Variants in LRRC63 observed in about 807,000 individuals in gnomAD.
The protein encoded by LRRC63 is leucine-rich repeat-containing protein 63.
Under a neutral mutation model 49.5 loss-of-function variants are expected in LRRC63, and 40 were observed. The ratio of observed to expected loss-of-function variants is 0.81; its 90% CI spans 0.63 to 1.05. The LOEUF (loss-of-function observed/expected upper bound fraction) is 1.05. LRRC63 is among the 50% of genes least tolerant of loss of function. The probability of loss-of-function intolerance (pLI) is 0.00; values close to 1 mark genes in which losing one functional copy is unlikely to be tolerated. For synonymous variants in LRRC63, 191 were observed against 221.1 expected (o/e 0.86, Z 1.21); for missense variants, 636 against 663.1 (o/e 0.96, Z 0.45).
intron 2 of LRRC63, among the ~76,000 whole-genome samples, chr13:46,224,379 A>G (rs921030115): frequency 2.0e-5 from 3 of 152,090 alleles, no homozygotes; most frequent in Admixed American, 6.5e-5. Flanking sequence ...ATTTTCTTCA[A>G]TTAATTCTTC....
chr13:46,227,285 C>A (rs2046604301), intron 2 of LRRC63, among the ~76,000 whole-genome samples: 1 of 152,170 alleles, frequency 6.6e-6, no homozygotes, highest in Non-Finnish European at 1.5e-5. Flanking sequence ...TAGCTCTCTA[C>A]CCTTTTAAAA....
chr13:46,261,607 A>G (rs2047615426), intron 7 of LRRC63, among the ~76,000 whole-genome samples: 2 of 152,014 alleles, frequency 1.3e-5, no homozygotes. Flanking sequence ...CACCCAGATT[A>G]TGGTAATTTG....
chr13:46,250,622 ATACGC>A, intron 7 of LRRC63, 131 bp downstream of exon 7: 1 of 716,864 alleles, frequency 1.4e-6, no homozygotes, highest in Non-Finnish European at 2.3e-6. Flanking sequence ...TAATTAGCTA[ATACGC>A]TTCTTCTTAT....
At chr13:46,254,222 T>TCTC (rs2047453417) in intron 7 of LRRC63, among the ~76,000 whole-genome samples, 1 of 152,132 alleles carries the variant, frequency 6.6e-6, no homozygotes, top group South Asian at 2.1e-4. Context: ...CCATTCTTTG[T>TCTC]AGAGCTTTAG....
At chr13:46,248,942 A>G (rs1360339265) in intron 6 of LRRC63, among the ~76,000 whole-genome samples, 1 of 151,876 alleles carries the variant, frequency 6.6e-6, no homozygotes, top group Non-Finnish European at 1.5e-5. Context: ...ACAAAAGTCT[A>G]TTTTTGGCTA....
In LRRC63 at chr13:46,222,950, C is replaced by T. The variant is rs1313102404; in HGVS notation, c.86-4562C>T. Among the ~76,000 whole-genome samples the T allele has an allele frequency of 6.0e-5, 9 of 151,048 alleles. No homozygotes were observed. In the South Asian group the frequency reaches 1.9e-3, roughly 32 times the overall value. On this transcript the variant is annotated intron_variant, in intron 2 of 9. Transcript: ENST00000595396. The stretch of plus-strand genomic sequence containing the variant: ...ATTGGAAATCATCATTCTCAGTAAA[C>T]TATCACAAGGACAAAAAACCAAACA...
intron 9 of LRRC63, among the ~76,000 whole-genome samples, chr13:46,272,777 A>C (rs1360731661): frequency 1.3e-5 from 2 of 152,252 alleles, no homozygotes; most frequent in African/African-American, 4.8e-5. Flanking sequence ...GTAAAACAAA[A>C]TGTTTTGACA....
intron 4 of LRRC63, among the ~76,000 whole-genome samples, chr13:46,233,263 TTA>T (rs2138432568): frequency 6.6e-6 from 1 of 152,228 alleles, no homozygotes; most frequent in South Asian, 2.1e-4. Flanking sequence ...GGCCACAGAC[TTA>T]TGTCTTAATT....
At chr13:46,213,965 T>G (rs1371999446) in intron 2 of LRRC63, among the ~76,000 whole-genome samples, 2 of 152,206 alleles carry the variant, frequency 1.3e-5, no homozygotes, top group Admixed American at 6.5e-5. Context: ...GGATACTGAT[T>G]GTAATCAATC....
At chr13:46,252,718 G>C (rs2047415117) in intron 7 of LRRC63, among the ~76,000 whole-genome samples, 1 of 152,064 alleles carries the variant, frequency 6.6e-6, no homozygotes, top group Non-Finnish European at 1.5e-5. Flanking sequence ...ACAAAGGATA[G>C]TTGGGCCAAT....
intron 6 of LRRC63, 129 bp from the exon 7 acceptor site, chr13:46,250,226 A>G (rs2047340208): frequency 2.5e-6 from 2 of 793,502 alleles, no homozygotes; most frequent in East Asian, 5.6e-5. Flanking sequence ...TTACTGAGTT[A>G]CATGATATAG....
intron 7 of LRRC63, among the ~76,000 whole-genome samples, chr13:46,254,857 G>A (rs2047469037): frequency 6.6e-6 from 1 of 152,110 alleles, no homozygotes; most frequent in South Asian, 2.1e-4. Context: ...AGATGGAGAA[G>A]GTAGATTTTA....
chr13:46,241,763 A>G (rs1297532229), intron 5 of LRRC63, among the ~76,000 whole-genome samples: 1 of 152,224 alleles, frequency 6.6e-6, no homozygotes, highest in African/African-American at 2.4e-5. Context: ...CAAAATCACA[A>G]TAAGATACCA....
chr13:46,224,750 G>GT, intron 2 of LRRC63, among the ~76,000 whole-genome samples: 1 of 152,316 alleles, frequency 6.6e-6, no homozygotes, highest in South Asian at 2.1e-4. Flanking sequence ...AGATGTATCT[G>GT]TGGTGTTGGT....
intron 9 of LRRC63, among the ~76,000 whole-genome samples, chr13:46,267,751 G>T (rs1220353759): frequency 6.6e-6 from 1 of 152,172 alleles, no homozygotes; most frequent in Non-Finnish European, 1.5e-5. Context: ...ATTCATGAAT[G>T]CACATGAGAA....
chr13:46,276,672 T>C, exon 10 of LRRC63: 8 of 1,231,350 alleles, frequency 6.5e-6, no homozygotes, highest in Non-Finnish European at 8.1e-6. Flanking sequence ...TTTTGGAGCA[T>C]CACAGCTTCC....
At chr13:46,221,438 A>G (rs1337465806) in intron 2 of LRRC63, among the ~76,000 whole-genome samples, 3 of 152,224 alleles carry the variant, frequency 2.0e-5, no homozygotes, top group Non-Finnish European at 2.9e-5. Context: ...TTAGATTTTT[A>G]TATCCCAAAC....
chr13:46,231,931 T>A (rs1217920326), intron 4 of LRRC63, among the ~76,000 whole-genome samples: 2 of 150,880 alleles, frequency 1.3e-5, no homozygotes, highest in Admixed American at 6.6e-5. Context: ...TTCTCCTGCC[T>A]CAGCCTCACG....
intron 4 of LRRC63, among the ~76,000 whole-genome samples, chr13:46,230,800 C>T (rs535353927): frequency 1.4e-4 from 21 of 152,292 alleles, no homozygotes; most frequent in East Asian, 5.8e-4. Context: ...GCTTCCCTTT[C>T]GAATATAAAT....
Sources: allele counts gnomAD v4.1 joint callset (sites outside exome capture counted in the v4.1 genomes callset), GRCh38; gene constraint gnomAD v4.1.1; transcripts MANE v1.5; gene names NCBI Gene and HGNC (gene_info 2026-07-23, HGNC 2026-07-21).